Variants in TNKS observed in about 807,000 individuals in gnomAD.
TNKS encodes the protein tankyrase, also known as poly [ADP-ribose] polymerase tankyrase-1.
In TNKS, 72 loss-of-function variants were observed where a neutral mutation model predicts 135.8. That is an observed-to-expected ratio of 0.53 (90% CI 0.44 to 0.64). The LOEUF is 0.64. Among genes scored for constraint, TNKS ranks in the 30% least tolerant of loss-of-function variants. The probability of loss-of-function intolerance (pLI) is 0.00; values close to 1 mark genes in which losing one functional copy is unlikely to be tolerated. For synonymous variants in TNKS, 849 were observed against 649.3 expected, an observed-to-expected ratio of 1.31 and a Z score of -4.68; for missense variants, 1,769 against 1,674.0, an observed-to-expected ratio of 1.06 and a Z score of -0.99.
At chr8:9,692,031 T>C (rs1803299816) in intron 5 of TNKS, among the ~76,000 whole-genome samples, 1 of 152,182 alleles carries the variant, frequency 6.6e-6, no homozygotes, top group African/African-American at 2.4e-5. Flanking sequence ...GTTCCTCCTG[T>C]CCCTTCCTCT....
chr8:9,588,787 A>G (rs143879627), intron 2 of TNKS, among the ~76,000 whole-genome samples: 4 of 152,314 alleles, frequency 2.6e-5, no homozygotes, highest in Admixed American at 6.5e-5. Context: ...TACTGTGTGA[A>G]GTGCTTTCAG....
chr8:9,605,740 ATCT>A (rs1799192240), intron 2 of TNKS, among the ~76,000 whole-genome samples: 1 of 152,036 alleles, frequency 6.6e-6, no homozygotes, highest in Non-Finnish European at 1.5e-5. Flanking sequence ...TAATTTATAT[ATCT>A]TCTTCTGTGA....
intron 2 of TNKS, among the ~76,000 whole-genome samples, chr8:9,610,564 C>A (rs146344489): frequency 2.6e-5 from 4 of 151,934 alleles, no homozygotes; most frequent in South Asian, 2.1e-4. Flanking sequence ...AAAGTTTAGT[C>A]CTTTGATATT....
intron 17 of TNKS, among the ~76,000 whole-genome samples, chr8:9,747,068 G>T (rs1806274657): frequency 6.6e-6 from 1 of 151,226 alleles, no homozygotes; most frequent in Non-Finnish European, 1.5e-5. Flanking sequence ...TTTTTGGTAG[G>T]GACGGGGTTT....
chr8:9,641,883 AAGAATGAATT>A (rs1308143610), intron 3 of TNKS, among the ~76,000 whole-genome samples: 2 of 146,208 alleles, frequency 1.4e-5, no homozygotes, highest in Non-Finnish European at 3.0e-5. Flanking sequence ...ACACAAAGCA[AAGAATGAATT>A]ACTTCTGAGA....
chr8:9,778,076 C>T lies in TNKS; in HGVS notation c.*1340C>T, dbSNP rs1808306057. 1 of 152,504 alleles carries T rather than the reference C, an allele frequency of 6.6e-6. No homozygotes were observed. Among genetic ancestry groups the T allele is most frequent in the Admixed American group, 6.6e-5 (1 of 15,266 alleles). 9.4% of individuals were successfully genotyped at this position (152,504 alleles called of 1,614,324 possible). A position where few individuals can be genotyped will look rare whatever the true frequency, so the allele number is the denominator to read the frequency against. On this transcript the variant is annotated 3_prime_UTR_variant, in exon 27 of 27. Transcript: ENST00000310430. ...TTTCAATGAAGGTGAGAAAGAAATA[C>T]CATACAATTTTCTTTGTGAAATTAC... is the stretch of plus-strand genomic sequence containing the variant.
intron 3 of TNKS, among the ~76,000 whole-genome samples, chr8:9,674,896 G>A (rs1802472413): frequency 6.6e-6 from 1 of 152,294 alleles, no homozygotes; most frequent in Non-Finnish European, 1.5e-5. Context: ...TTAATTGGTG[G>A]TATGGACTTT....
chr8:9,696,009 G>A (rs1045202689), intron 5 of TNKS, among the ~76,000 whole-genome samples: 1 of 152,176 alleles, frequency 6.6e-6, no homozygotes, highest in Non-Finnish European at 1.5e-5. Context: ...TGTCACATAG[G>A]CAGTTGGATT....
chr8:9,700,582 C>T (rs549554491), intron 5 of TNKS, among the ~76,000 whole-genome samples: 1 of 148,062 alleles, frequency 6.8e-6, no homozygotes. Flanking sequence ...TTATTTCCCT[C>T]TGGGCTCTCC....
intron 2 of TNKS, among the ~76,000 whole-genome samples, chr8:9,615,008 G>A (rs1172895756): frequency 1.3e-5 from 2 of 152,116 alleles, no homozygotes; most frequent in Admixed American, 6.6e-5. Flanking sequence ...AGTATAAGAG[G>A]CAGTTCCTTT....
chr8:9,589,645 A>G lies in TNKS; in HGVS notation c.898+9262A>G, dbSNP rs116334972. ...GTCTCAGAGACGTTTCCTAGTGTGG[A>G]CTTGGCCCCTCGGGCCTCACCACTA... On this transcript the variant is annotated intron_variant, in intron 2 of 26. Coordinates refer to ENST00000310430, the MANE Select transcript of TNKS (RefSeq NM_003747.3). Among the ~76,000 whole-genome samples the G allele has an allele frequency of 5.1e-3, 776 of 152,340 alleles. 10 individuals are homozygous for G. The highest frequency in any genetic ancestry group is 0.017 in the African/African-American group (715 of 41,592).
intron 3 of TNKS, among the ~76,000 whole-genome samples, chr8:9,629,186 A>G (rs1800185936): frequency 6.6e-6 from 1 of 152,360 alleles, no homozygotes; most frequent in South Asian, 2.1e-4. Context: ...AATCAATGGT[A>G]TCACTAAGCA....
At chr8:9,683,350 G>C (rs369117547) in intron 5 of TNKS, among the ~76,000 whole-genome samples, 8 of 152,038 alleles carry the variant, frequency 5.3e-5, no homozygotes, top group African/African-American at 1.9e-4. Flanking sequence ...ATTTCTATGT[G>C]TTTATTTAGA....
intron 2 of TNKS, among the ~76,000 whole-genome samples, chr8:9,584,205 G>C (rs1235206536): frequency 6.6e-6 from 1 of 150,590 alleles, no homozygotes; most frequent in Non-Finnish European, 1.5e-5. Context: ...AGTCACAATG[G>C]ATATTTGTGA....
At chr8:9,668,414 G>C (rs1262620147) in intron 3 of TNKS, among the ~76,000 whole-genome samples, 2 of 152,162 alleles carry the variant, frequency 1.3e-5, no homozygotes, top group African/African-American at 4.8e-5. Context: ...AGTATTTACA[G>C]AATTTTTGAA....
chr8:9,660,304 AT>A (rs1801633140), intron 3 of TNKS, among the ~76,000 whole-genome samples: 1 of 152,210 alleles, frequency 6.6e-6, no homozygotes, highest in Admixed American at 6.5e-5. Flanking sequence ...TTTTAGACCA[AT>A]ATCCTTGATG....
chr8:9,764,779 A>G lies in TNKS; in HGVS notation c.3436A>G (p.Asn1146Asp), dbSNP rs1433355470. 6.3e-7 allele frequency: 1 copy of G among 1,592,864 alleles called. No homozygotes were observed. The highest frequency in any genetic ancestry group is 2.3e-5 in the East Asian group (1 of 43,466). ...TGCTGGCGGCATCTTCAACAGATAC[A>G]ATGTCATTCGAGTAAGTTTTTAAAG... is the stretch of plus-strand genomic sequence containing the variant. ...GNAGGIFNRY[N>D]VIRIQKVVNK... Residue 1146 changes from asparagine to aspartate, a missense_variant, in exon 23 of 27, where the codon AAT (asparagine) becomes GAT (aspartate). Around this residue, in one of 5 missense-constraint regions of TNKS, gnomAD observed 722 missense variants for 688.9 expected, o/e 1.05. Coordinates refer to ENST00000310430, the MANE Select transcript of TNKS (RefSeq NM_003747.3).
intron 20 of TNKS, among the ~76,000 whole-genome samples, chr8:9,758,729 C>G (rs1297751485): frequency 6.6e-6 from 1 of 152,276 alleles, no homozygotes; most frequent in African/African-American, 2.4e-5. Flanking sequence ...GGTTGACTGG[C>G]CTTGATTCCT....
chr8:9,743,279 A>T (rs1364174339), intron 17 of TNKS, among the ~76,000 whole-genome samples: 2 of 151,968 alleles, frequency 1.3e-5, no homozygotes, highest in African/African-American at 4.8e-5. Flanking sequence ...TCTCTTTCCC[A>T]TTTTCAGCTT....
Sources: gnomAD v4.1 joint callset for allele counts (sites outside exome capture counted in the v4.1 genomes callset) on GRCh38, gnomAD v4.1.1 for gene constraint, gnomAD v4.1.1 regional missense constraint, MANE v1.5 for transcripts, NCBI Gene and HGNC (gene_info 2026-07-23, HGNC 2026-07-21) for gene names.